Variants in NBPF11 observed in about 807,000 individuals in gnomAD.
NBPF11 encodes the protein NBPF member 11, also known as NBPF family member NBPF11.
Under a neutral mutation model 93.9 loss-of-function variants are expected in NBPF11, and 72 were observed. The ratio of observed to expected loss-of-function variants is 0.77; its 90% CI spans 0.63 to 0.93. The LOEUF is 0.93. Among genes scored for constraint, NBPF11 ranks in the 40% least tolerant of loss-of-function variants. The pLI, the probability that NBPF11 is intolerant of heterozygous loss-of-function variation, is 0.00. For missense variants in NBPF11, 705 were observed against 802.2 expected (o/e 0.88, Z 1.46); for synonymous variants, 224 against 304.9 (o/e 0.73, Z 2.76).
At position 148,130,829 on chromosome 1, in the gene NBPF11, C is replaced by T. The variant is rs1481640358; in HGVS notation, c.-35-3791G>A. On this transcript the variant is annotated intron_variant, in intron 4 of 23. Coordinates refer to ENST00000682118, the MANE Select transcript of NBPF11 (RefSeq NM_001385469.3). The stretch of plus-strand genomic sequence containing the variant: ...CTTTCAACCCTCAGCCCCAAGGAGC[C>T]ACTGTCACTTCAGGTCCGTTTGCAT... 9.7e-4 allele frequency among the ~76,000 whole-genome samples: 148 copies of T among 152,002 alleles called. 5 individuals carry two copies. The South Asian group carries it at 0.03, about 31-fold the overall frequency.
intron 4 of NBPF11, among the ~76,000 whole-genome samples, chr1:148,131,137 G>A (rs1670263086): frequency 6.7e-6 from 1 of 149,582 alleles, no homozygotes; most frequent in Non-Finnish European, 1.5e-5. Context: ...TAGCGACTGA[G>A]TGGTTCAATT....
At chr1:148,146,268 G>C in intron 1 of NBPF11, 1 of 1,245,946 alleles carries the variant, frequency 8.0e-7, no homozygotes, top group Non-Finnish European at 1.0e-6. Context: ...TGTCTGGGGC[G>C]GTAGCTGGGG....
intron 6 of NBPF11, among the ~76,000 whole-genome samples, chr1:148,124,305 TG>T (rs1668574372): frequency 6.6e-6 from 1 of 151,896 alleles, no homozygotes. Flanking sequence ...CTTTCCCTTC[TG>T]TAAATAAAAG....
Position 148,134,921 on chromosome 1 carries a change from G to C in NBPF11, c.-36+751C>G, listed in dbSNP as rs1294962157. On this transcript the variant is annotated intron_variant, in intron 4 of 23. Coordinates refer to ENST00000682118, the MANE Select transcript of NBPF11 (RefSeq NM_001385469.3). ...GACAGAGCCCACAAGCCTCAACCAT[G>C]CTTTGCTTCTGCAAGATGCTTCTTC... Among the ~76,000 whole-genome samples the C allele has an allele frequency of 5.9e-5, 9 of 152,052 alleles. No homozygotes were observed. In the South Asian group the frequency reaches 1.2e-3, roughly 21 times the overall value.
chr1:148,103,586 T>C lies in NBPF11; in HGVS notation c.*310A>G. On this transcript the variant is annotated 3_prime_UTR_variant, in exon 24 of 24. Transcript: ENST00000682118. ...CCCATCCTATGTCTGGGCTTCCAAA[T>C]GGAACTATAGTTTCATTCAAATCTT... 1.2e-6 allele frequency: 2 copies of C among 1,607,498 alleles called. No homozygotes were observed. Among genetic ancestry groups the C allele is most frequent in the Non-Finnish European group, 1.7e-6 (2 of 1,176,778 alleles).
chr1:148,105,409 G>C lies in NBPF11; in HGVS notation c.2423C>G (p.Pro808Arg). 9.3e-7 allele frequency: 1 copy of C among 1,077,566 alleles called. No homozygotes were observed. The highest frequency in any genetic ancestry group is 2.4e-5 in the East Asian group (1 of 42,080). The allele number at this position is 1,077,566 out of a possible 1,614,324, so 66.8% of individuals were successfully genotyped here. A position where few individuals can be genotyped will look rare whatever the true frequency, so the allele number is the denominator to read the frequency against. Residue 808 changes from proline (P) to arginine (R), a missense_variant, in exon 22 of 24, where the codon CCT (proline) becomes CGT (arginine). By Grantham distance (103) the Pro-to-Arg change is moderately radical. Coordinates refer to ENST00000682118, the MANE Select transcript of NBPF11 (RefSeq NM_001385469.3). ...SLTPASPTEVPFMHWRKNMLA... is the reference protein window; with the variant it reads ...SLTPASPTEVRFMHWRKNMLA... ...CATGTTTTTCCTCCAATGCATAAAA[G>C]GAACTTCCGTAGGGCTGGCAGGAGT...
At position 148,103,936 on chromosome 1, in the gene NBPF11, G is replaced by C; in HGVS notation, c.2582-24C>G. The C allele has an allele frequency of 3.1e-6, 5 of 1,610,548 alleles. No individual in the cohort carries two copies. In the East Asian group the frequency reaches 8.9e-5, roughly 29 times the overall value. ...GCCTGGAAAAGGAGACAAAACTAAA[G>C]AAGCAGCCAGGGAAAATCAGACACC... On this transcript the variant is annotated intron_variant, in intron 23 of 23. Coordinates refer to ENST00000682118, the MANE Select transcript of NBPF11 (RefSeq NM_001385469.3).
rs1391543702 is a variant in NBPF11, at chr1:148,102,494, C to T, written c.*1402G>A. 1 of 151,762 alleles carries T rather than the reference C, an allele frequency of 6.6e-6. No homozygotes were observed. The highest frequency in any genetic ancestry group is 1.5e-5 in the Non-Finnish European group (1 of 68,036). 9.4% of individuals were successfully genotyped at this position (151,762 alleles called of 1,614,324 possible). A position where few individuals can be genotyped will look rare whatever the true frequency, so the allele number is the denominator to read the frequency against. On this transcript the variant is annotated 3_prime_UTR_variant, in exon 24 of 24. Coordinates refer to ENST00000682118, the MANE Select transcript of NBPF11 (RefSeq NM_001385469.3). The stretch of plus-strand genomic sequence containing the variant: ...TTAACCAAGTAACCAGTCCTGATAT[C>T]ATAATGGTGTTGGACAAACTAGACC...
intron 2 of NBPF11, among the ~76,000 whole-genome samples, chr1:148,142,119 AAGAG>A (rs1222443671): frequency 1.3e-5 from 2 of 149,894 alleles, no homozygotes; most frequent in East Asian, 2.0e-4. Flanking sequence ...GGAAAGAATA[AAGAG>A]AGAGAGAAAG....
chr1:148,106,368 G>A (rs1387228703), intron 20 of NBPF11, 136 bp from the exon 21 acceptor site: 2 of 704,518 alleles, frequency 2.8e-6, no homozygotes, highest in Admixed American at 2.0e-5. Context: ...TATACTTCAG[G>A]AGGCCTGAAA....
chr1:148,122,500 C>T (rs1189771330), intron 8 of NBPF11, among the ~76,000 whole-genome samples: 3 of 152,040 alleles, frequency 2.0e-5, no homozygotes, highest in African/African-American at 4.8e-5. Context: ...CAGATAGGAG[C>T]TGAAGAGGAT....
At chr1:148,148,719 A>T (rs1647389958) in intron 1 of NBPF11, among the ~76,000 whole-genome samples, 2 of 151,936 alleles carry the variant, frequency 1.3e-5, no homozygotes, top group Non-Finnish European at 2.9e-5. Context: ...GGCTGCAGGG[A>T]GGAAGAGTGT....
chr1:148,146,693 C>G (rs1322324965), intron 1 of NBPF11: 12 of 1,611,800 alleles, frequency 7.4e-6, no homozygotes, highest in Non-Finnish European at 9.3e-6. Context: ...AACCGTGTCT[C>G]CTGCATGTAT....
Position 148,152,108 on chromosome 1 carries a change from G to T in NBPF11, c.-907C>A, listed in dbSNP as rs1163607617. ...CCGAGAAAAGGAGTAATGGAGGACA[G>T]AGCGCAGCGGGGACGGGAAAATCCC... On this transcript the variant is annotated 5_prime_UTR_variant, in exon 1 of 24. In the 5' UTR this introduces an upstream ATG that the reference lacks. Transcript: ENST00000682118. 1 of 152,164 alleles carries T rather than the reference G, an allele frequency of 6.6e-6. No individual in the cohort carries two copies. The highest frequency in any genetic ancestry group is 2.4e-5 in the African/African-American group (1 of 41,338). 9.4% of individuals were successfully genotyped at this position (152,164 alleles called of 1,614,324 possible).
intron 23 of NBPF11, among the ~76,000 whole-genome samples, chr1:148,104,156 G>T (rs1662975428): frequency 6.9e-6 from 1 of 144,144 alleles, no homozygotes; most frequent in Non-Finnish European, 1.5e-5. Context: ...CAGAGAGAAA[G>T]TGAGCTAGTG....
chr1:148,134,981 T>C (rs1448924926), intron 4 of NBPF11: 1 of 151,392 alleles, frequency 6.6e-6, no homozygotes, highest in Non-Finnish European at 1.5e-5. Flanking sequence ...TTAAAGCTGA[T>C]GGGAGTTTAT....
chr1:148,150,946 C>T (rs1218304120), intron 1 of NBPF11, among the ~76,000 whole-genome samples: 1 of 151,924 alleles, frequency 6.6e-6, no homozygotes, highest in Non-Finnish European at 1.5e-5. Flanking sequence ...CCAGGATGGT[C>T]TCAATCTCCT....
chr1:148,116,442 T>G, intron 13 of NBPF11, 21 bp downstream of exon 13: 1 of 729,820 alleles, frequency 1.4e-6, no homozygotes, highest in East Asian at 2.5e-5. Context: ...CCATTAATTG[T>G]TCCTGAGTAT....
At chr1:148,140,778 C>G (rs1672043110) in intron 2 of NBPF11, among the ~76,000 whole-genome samples, 1 of 151,660 alleles carries the variant, frequency 6.6e-6, no homozygotes, top group Non-Finnish European at 1.5e-5. Context: ...CAGGAACAAC[C>G]AGAACTCTCC....
Sources: gnomAD v4.1 joint callset for allele counts (sites outside exome capture counted in the v4.1 genomes callset) on GRCh38, gnomAD v4.1.1 for gene constraint, MANE v1.5 for transcripts, NCBI Gene and HGNC (gene_info 2026-07-23, HGNC 2026-07-21) for gene names.